Variants in PRDM8 observed in about 807,000 individuals in gnomAD.
PRDM8 encodes the protein PR domain zinc finger protein 8.
PRDM8 carries 13 observed loss-of-function variants against 46.5 expected under a neutral mutation model. That is an observed-to-expected ratio of 0.28 (90% CI 0.18 to 0.44). The LOEUF (loss-of-function observed/expected upper bound fraction) is 0.44. PRDM8 is among the 20% of genes least tolerant of loss of function. The pLI is 1.00. For synonymous variants in PRDM8, 473 were observed against 438.4 expected (o/e 1.08, Z -0.98); for missense variants, 998 against 955.0 (o/e 1.04, Z -0.59).
At chr4:80,199,008 T>TTTTTTTTTTTTTTTG (rs1738214351) in intron 1 of PRDM8, among the ~76,000 whole-genome samples, 1 of 134,212 alleles carries the variant, frequency 7.5e-6, no homozygotes. Context: ...TTTTTTTTTT[T>TTTTTTTTTTTTTTTG]TTTTTTTTTT....
At chr4:80,186,963 C>T (rs1194692345) in intron 1 of PRDM8, among the ~76,000 whole-genome samples, 3 of 152,102 alleles carry the variant, frequency 2.0e-5, no homozygotes, top group Admixed American at 1.3e-4. Context: ...ATTGGGGGAG[C>T]TTTGTGGCTC....
Position 80,202,359 on chromosome 4 carries a change from G to A in PRDM8, c.897G>A (p.Glu299=), listed in dbSNP as rs944380843. 9 of 1,598,560 alleles carry A rather than the reference G, an allele frequency of 5.6e-6. No homozygotes were observed. The highest frequency in any genetic ancestry group is 6.0e-6 in the Non-Finnish European group (7 of 1,173,024). ...SGGGGGHQEA[E]LSPDGIATGG... Reference sequence around the variant, plus strand: ...GCGGCGGCGGCCACCAGGAGGCGGAGCTGAGTCCCGACGGCATCGCCACGG... The same window carrying A: ...GCGGCGGCGGCCACCAGGAGGCGGAACTGAGTCCCGACGGCATCGCCACGG... Residue 299 remains glutamate (E), a synonymous_variant, in exon 4 of 4, where the codon GAG becomes GAA. Coordinates refer to ENST00000415738, the MANE Select transcript of PRDM8 (RefSeq NM_001099403.2).
upstream of PRDM8, among the ~76,000 whole-genome samples, chr4:80,193,392 CG>C (rs1007721730): frequency 6.6e-6 from 1 of 152,130 alleles, no homozygotes; most frequent in Non-Finnish European, 1.5e-5. Context: ...TGGCTCTTCT[CG>C]ACTCACCAAA....
Position 80,203,554 on chromosome 4 carries a change from C to T in PRDM8, c.*22C>T, listed in dbSNP as rs768575297. 16 of 1,586,754 alleles carry T rather than the reference C, an allele frequency of 1.0e-5. No homozygotes were observed. In the East Asian group the frequency reaches 3.6e-4, roughly 36 times the overall value. ...TTGACTCGGAAAGGACCCCAGCTTT[C>T]CACGCGCGCGCAAGCACAGTTAAGC... On this transcript the variant is annotated 3_prime_UTR_variant, in exon 4 of 4. Coordinates refer to ENST00000415738, the MANE Select transcript of PRDM8 (RefSeq NM_001099403.2).
intron 1 of PRDM8, among the ~76,000 whole-genome samples, chr4:80,189,268 C>A (rs1293493703): frequency 2.6e-5 from 4 of 152,198 alleles, no homozygotes; most frequent in East Asian, 1.9e-4. Context: ...CTGACTTATC[C>A]GCGTTTCTAA....
rs554415242 is a variant in PRDM8 at position 80,201,863 on chromosome 4, T to C, written c.452-51T>C. 23 of 1,562,306 alleles carry C rather than the reference T, an allele frequency of 1.5e-5. No individual in the cohort carries two copies. The South Asian group carries it at 2.3e-4, about 15-fold the overall frequency. On this transcript the variant is annotated intron_variant, in intron 3 of 3. Transcript: ENST00000415738. ...GCTGAGTAATCATGTGGTGTGCGTG[T>C]GTGTGTGTGTGTGCGTGCGTGCGTG... is the stretch of plus-strand genomic sequence containing the variant.
intron 1 of PRDM8, among the ~76,000 whole-genome samples, chr4:80,185,897 G>C (rs1373391633): frequency 1.8e-4 from 27 of 152,152 alleles, no homozygotes. Flanking sequence ...ATGGAGGGTC[G>C]GGCCAATAAA....
At chr4:80,199,010 T>TTTTTTTTTTTTTTTTTTTG (rs1560472893) in intron 1 of PRDM8, among the ~76,000 whole-genome samples, 1 of 128,626 alleles carries the variant, frequency 7.8e-6, no homozygotes, top group African/African-American at 3.3e-5. Context: ...TTTTTTTTTT[T>TTTTTTTTTTTTTTTTTTTG]TTTTTTTTAG....
intron 1 of PRDM8, among the ~76,000 whole-genome samples, chr4:80,187,247 G>GC (rs1553903061): frequency 0.032 from 3,801 of 119,888 alleles, 461 homozygotes; most frequent in East Asian, 0.12. Context: ...TCTGCCCTGG[G>GC]GCGGGGGGAA....
chr4:80,199,492 C>A (rs1440839292), intron 1 of PRDM8, among the ~76,000 whole-genome samples: 1 of 152,060 alleles, frequency 6.6e-6, no homozygotes, highest in East Asian at 1.9e-4. Flanking sequence ...ATTAGTGGCC[C>A]TGACATTCCA....
At chr4:80,201,558 T>G (rs758015894) in intron 3 of PRDM8, 37 bp downstream of exon 3, 2 of 1,588,132 alleles carry the variant, frequency 1.3e-6, no homozygotes, top group Non-Finnish European at 1.7e-6. Context: ...GGCCCTTAAC[T>G]AGCGGGGGAG....
Position 80,203,174 on chromosome 4 carries a change from A to T in PRDM8, c.1712A>T (p.Lys571Met), listed in dbSNP as rs1738700495. Residue 571 changes from lysine (K) to methionine (M), a missense_variant, in exon 4 of 4, where the codon AAG (lysine) becomes ATG (methionine). Physicochemically the swap from Lys to Met is moderately conservative, Grantham distance 95. Transcript: ENST00000415738. Reference sequence around the variant, plus strand: ...CCGAGCGGCGGCGGCGGCCTGCCTAAGCAGAGCCCCTTCCTGTACGCCACC... The same window carrying T: ...CCGAGCGGCGGCGGCGGCCTGCCTATGCAGAGCCCCTTCCTGTACGCCACC... ...SLPSGGGGLPKQSPFLYATAF... is the reference protein window; with the variant it reads ...SLPSGGGGLPMQSPFLYATAF... 1 of 1,547,890 alleles carries T rather than the reference A, an allele frequency of 6.5e-7. No individual in the cohort carries two copies. The highest frequency in any genetic ancestry group is 8.7e-7 in the Non-Finnish European group (1 of 1,151,704).
chr4:80,192,393 A>G (rs1001815934), intron 2 of PRDM8, among the ~76,000 whole-genome samples: 1 of 152,208 alleles, frequency 6.6e-6, no homozygotes, highest in African/African-American at 2.4e-5. Context: ...AAGAAATTTG[A>G]TGTAAAGCCT....
chr4:80,203,241 T>G lies in PRDM8; in HGVS notation c.1779T>G (p.Ala593=). The change falls in exon 4 of 4, where the codon GCT becomes GCG. Residue 593 remains alanine (A), a synonymous_variant. Coordinates refer to ENST00000415738, the MANE Select transcript of PRDM8 (RefSeq NM_001099403.2). ...GCTCCGCTGCCGCTGCAGCCGCGGC[T>G]GCGGCGGCGGCCGCGGGGCCCTTGC... ...PKSSAAAAAA[A]AAAAAGPLQL... is the part of the protein sequence containing the mutation. 1.3e-6 allele frequency: 2 copies of G among 1,550,758 alleles called. No individual in the cohort carries two copies. Among genetic ancestry groups the G allele is most frequent in the African/African-American group, 1.4e-5 (1 of 72,774 alleles).
chr4:80,200,266 T>C lies in PRDM8; in HGVS notation c.186T>C (p.Ser62=). Reference sequence around the variant, plus strand: ...GCATAGCTTTCATAGCTCTCAAGTCTACTGACAAGAGAACAGTACCGTATA... The same window carrying C: ...GCATAGCTTTCATAGCTCTCAAGTCCACTGACAAGAGAACAGTACCGTATA... ...YDSIAFIALK[S]TDKRTVPYIF... Residue 62 remains serine (S), a synonymous_variant, in exon 2 of 4, where the codon TCT becomes TCC. Coordinates refer to ENST00000415738, the MANE Select transcript of PRDM8 (RefSeq NM_001099403.2). 1 of 1,613,970 alleles carries C rather than the reference T, an allele frequency of 6.2e-7. No homozygotes were observed. The highest frequency in any genetic ancestry group is 8.5e-7 in the Non-Finnish European group (1 of 1,179,864).
chr4:80,200,477 C>T (rs1738358175), intron 2 of PRDM8, among the ~76,000 whole-genome samples, 178 bp downstream of exon 2: 1 of 152,206 alleles, frequency 6.6e-6, no homozygotes, highest in Non-Finnish European at 1.5e-5. Flanking sequence ...AAATTATTGT[C>T]AACTGATTTT....
At chr4:80,198,977 TG>T (rs1172815097) in intron 1 of PRDM8, among the ~76,000 whole-genome samples, 3,325 of 126,698 alleles carry the variant, frequency 0.026, 236 homozygotes, top group East Asian at 0.15. Context: ...TGGGTTTTTT[TG>T]GGTTTTTTTT....
At chr4:80,201,691 G>C (rs1406492793) in intron 3 of PRDM8, among the ~76,000 whole-genome samples, 170 bp downstream of exon 3, 1 of 152,224 alleles carries the variant, frequency 6.6e-6, no homozygotes, top group Non-Finnish European at 1.5e-5. Context: ...TGAGGATAAA[G>C]CGAGGAAACT....
At chr4:80,199,725 G>GTA (rs1738284309) in intron 1 of PRDM8, among the ~76,000 whole-genome samples, 1 of 139,160 alleles carries the variant, frequency 7.2e-6, no homozygotes, top group Non-Finnish European at 1.5e-5. Flanking sequence ...GTGTGTGTGT[G>GTA]TGTGTGTGTG....
Sources: gnomAD v4.1 joint callset for allele counts (sites outside exome capture counted in the v4.1 genomes callset) on GRCh38, gnomAD v4.1.1 for gene constraint, MANE v1.5 for transcripts, NCBI Gene and HGNC (gene_info 2026-07-23, HGNC 2026-07-21) for gene names.